The following FAM185A variants were observed in gnomAD, a reference collection of about 807,000 sequenced individuals.
FAM185A encodes family with sequence similarity 185 member A.
In FAM185A, 21 loss-of-function variants were observed where a neutral mutation model predicts 45.7. The observed-to-expected ratio is 0.46, with a 90% CI of 0.33 to 0.66. FAM185A has a LOEUF of 0.66. Ranked by LOEUF, FAM185A falls within the 30% of genes least tolerant of loss-of-function variation. FAM185A has a pLI of 0.03. For synonymous variants in FAM185A, 117 were observed against 194.0 expected (o/e 0.60, Z 3.30); for missense variants, 305 against 485.4 (o/e 0.63, Z 3.49).
chr7:102,779,339 GT>G (rs1229422474), intron 6 of FAM185A, among the ~76,000 whole-genome samples: 2 of 152,056 alleles, frequency 1.3e-5, no homozygotes, highest in African/African-American at 4.8e-5. Context: ...TTGGTAGGTG[GT>G]TTTTGGCTTT....
At chr7:102,840,849 C>T in the FAM185A span, among the ~76,000 whole-genome samples, 2 of 152,052 alleles carry the variant, frequency 1.3e-5, no homozygotes, top group Admixed American at 6.6e-5. Context: ...ATCTCATAGG[C>T]CTATTAGAAG....
intron 7 of FAM185A, among the ~76,000 whole-genome samples, chr7:102,807,091 A>G (rs993791339): frequency 1.3e-5 from 2 of 152,286 alleles, no homozygotes; most frequent in Non-Finnish European, 2.9e-5. Context: ...AAAAGAGTGC[A>G]TAACTGTATA....
chr7:102,798,074 G>A (rs1458562351), intron 7 of FAM185A, among the ~76,000 whole-genome samples: 2 of 152,160 alleles, frequency 1.3e-5, no homozygotes, highest in Non-Finnish European at 2.9e-5. Context: ...CAGGAGTTTC[G>A]AGAGCAAATT....
chr7:102,820,612 T>C, the FAM185A span, among the ~76,000 whole-genome samples: 3 of 152,208 alleles, frequency 2.0e-5, no homozygotes, highest in African/African-American at 7.2e-5. Context: ...CTTGGTCCAT[T>C]TTGTGTTGCC....
the FAM185A span, among the ~76,000 whole-genome samples, chr7:102,841,254 T>C: frequency 6.6e-6 from 1 of 152,210 alleles, no homozygotes; most frequent in Non-Finnish European, 1.5e-5. Context: ...TGACAGTTTT[T>C]TTTTTTTTAA....
the FAM185A span, among the ~76,000 whole-genome samples, chr7:102,815,398 C>T: frequency 2.6e-5 from 4 of 152,140 alleles, no homozygotes; most frequent in Admixed American, 2.0e-4. Flanking sequence ...ATAGCTCAAA[C>T]GAGAGATTTC....
intron 1 of FAM185A, among the ~76,000 whole-genome samples, chr7:102,750,500 T>C (rs1793298380): frequency 6.6e-6 from 1 of 152,204 alleles, no homozygotes; most frequent in African/African-American, 2.4e-5. Context: ...TGTAGGAAAA[T>C]ATTAAGATAT....
At chr7:102,758,427 CTTTTTTTTTTTTTT>C (rs869220298) in intron 3 of FAM185A, among the ~76,000 whole-genome samples, 2,676 of 45,954 alleles carry the variant, frequency 0.058, 47 homozygotes, top group Middle Eastern at 0.094. Flanking sequence ...GCTCTCACAG[CTTTTTTTTTTTTTT>C]TTTTTTTTTT....
intron 7 of FAM185A, among the ~76,000 whole-genome samples, chr7:102,798,990 C>A (rs71570383): frequency 6.6e-6 from 1 of 152,314 alleles, no homozygotes; most frequent in South Asian, 2.1e-4. Flanking sequence ...TCAGGTGATC[C>A]GCCCGCCCTG....
At chr7:102,812,503 T>C (rs760566607), downstream of FAM185A, among the ~76,000 whole-genome samples, 1 of 152,328 alleles carries the variant, frequency 6.6e-6, no homozygotes, top group Non-Finnish European at 1.5e-5. Context: ...ACAGAGTTAA[T>C]TGGCGGCATT....
At chr7:102,837,682 C>T in the FAM185A span, among the ~76,000 whole-genome samples, 13 of 152,246 alleles carry the variant, frequency 8.5e-5, no homozygotes, top group South Asian at 2.1e-4. Flanking sequence ...CAGCCTTCCA[C>T]ATATGTGCAT....
At chr7:102,812,997 C>T (rs951332717), downstream of FAM185A, among the ~76,000 whole-genome samples, 4 of 152,006 alleles carry the variant, frequency 2.6e-5, no homozygotes, top group South Asian at 2.1e-4. Context: ...CGCCCACCAC[C>T]ACACCCGGCT....
the FAM185A span, chr7:102,832,859 C>G: frequency 1.2e-6 from 2 of 1,614,172 alleles, no homozygotes. Context: ...GCCAGCAATG[C>G]TGAGAGATGT....
At chr7:102,772,707 T>TA (rs1794829863) in intron 5 of FAM185A, among the ~76,000 whole-genome samples, 1 of 151,984 alleles carries the variant, frequency 6.6e-6, no homozygotes, top group South Asian at 2.1e-4. Flanking sequence ...AAAAAGATCT[T>TA]ACAAATTTCT....
intron 7 of FAM185A, among the ~76,000 whole-genome samples, chr7:102,800,966 T>G (rs1796754735): frequency 6.6e-6 from 1 of 152,028 alleles, no homozygotes; most frequent in Non-Finnish European, 1.5e-5. Context: ...AAAGAAAGAA[T>G]CTAAACTGTG....
chr7:102,772,855 G>A (rs1457294189), intron 5 of FAM185A, among the ~76,000 whole-genome samples: 3 of 151,392 alleles, frequency 2.0e-5, no homozygotes, highest in Non-Finnish European at 4.4e-5. Flanking sequence ...TGTATTTATT[G>A]AGTACCTGCC....
At chr7:102,780,830 G>A (rs1463415697) in intron 6 of FAM185A, among the ~76,000 whole-genome samples, 1 of 152,208 alleles carries the variant, frequency 6.6e-6, no homozygotes, top group Non-Finnish European at 1.5e-5. Context: ...AGTGGGCGCA[G>A]CGCACCGAGC....
the FAM185A span, chr7:102,834,816 T>C: frequency 6.6e-6 from 1 of 151,936 alleles, no homozygotes; most frequent in Admixed American, 6.6e-5. Context: ...GTTCTCACCA[T>C]AAAAAGTATC....
At chr7:102,823,643 A>T in the FAM185A span, among the ~76,000 whole-genome samples, 1 of 152,254 alleles carries the variant, frequency 6.6e-6, no homozygotes. Context: ...AGAATCAACT[A>T]GATTACTCTC....
Sources: gnomAD v4.1 joint callset for allele counts (sites outside exome capture counted in the v4.1 genomes callset) on GRCh38, gnomAD v4.1.1 for gene constraint, MANE v1.5 for transcripts, NCBI Gene and HGNC (gene_info 2026-07-23, HGNC 2026-07-21) for gene names.